C5: variants seen among roughly 807,000 people sequenced by gnomAD.
The protein encoded by C5 is C3 and PZP-like alpha-2-macroglobulin domain-containing protein 4.
Under a neutral mutation model 218.8 loss-of-function variants are expected in C5, and 140 were observed. The observed-to-expected ratio is 0.64, with a 90% confidence interval of 0.56 to 0.74. The LOEUF (loss-of-function observed/expected upper bound fraction) is 0.74, where lower values mean the gene tolerates loss of function less well. C5 is among the 30% of genes least tolerant of loss of function. C5 has a pLI of 0.00. For missense variants in C5, 1,700 were observed against 1,969.6 expected, an observed-to-expected ratio of 0.86 and a Z score of 2.59; for synonymous variants, 614 against 682.3, an observed-to-expected ratio of 0.90 and a Z score of 1.56.
intron 33 of C5, among the ~76,000 whole-genome samples, chr9:120,967,486 C>T (rs2046877393): frequency 6.6e-6 from 1 of 152,136 alleles, no homozygotes; most frequent in Admixed American, 6.5e-5. Context: ...AAGTTATCCA[C>T]ACTGGGTGCA....
chr9:121,031,429 T>A (rs1016893726), intron 6 of C5, among the ~76,000 whole-genome samples: 1 of 152,200 alleles, frequency 6.6e-6, no homozygotes, highest in Non-Finnish European at 1.5e-5. Context: ...GTAAATCATT[T>A]ATTGGTTTTA....
intron 39 of C5, among the ~76,000 whole-genome samples, chr9:120,954,158 A>T (rs1259046242): frequency 6.6e-6 from 1 of 152,246 alleles, no homozygotes; most frequent in Admixed American, 6.5e-5. Flanking sequence ...ACCTTGTAGA[A>T]CCATCGTGAG....
upstream of C5, among the ~76,000 whole-genome samples, chr9:121,054,327 T>C (rs193206202): frequency 1.9e-3 from 288 of 152,280 alleles, no homozygotes; most frequent in Non-Finnish European, 1.4e-3. Context: ...AGTCCGGGCG[T>C]GGTGGCTCAC....
At chr9:121,074,696 T>G in the C5 span, 4 of 419,846 alleles carry the variant, frequency 9.5e-6, no homozygotes, top group African/African-American at 4.1e-5. Flanking sequence ...GCCACAGCAC[T>G]GCGGGCAGCT....
the C5 span, among the ~76,000 whole-genome samples, chr9:121,059,786 C>T: frequency 6.6e-6 from 1 of 152,244 alleles, no homozygotes; most frequent in Non-Finnish European, 1.5e-5. This position sits in a 1 kb window ranked among gnomAD's most constrained non-coding sequence, Gnocchi z 4.1. Flanking sequence ...GTAGTGAGCA[C>T]ACTCAGGAAG....
chr9:120,960,973 T>C (rs1310392584), intron 37 of C5, among the ~76,000 whole-genome samples: 1 of 152,208 alleles, frequency 6.6e-6, no homozygotes, highest in Non-Finnish European at 1.5e-5. Context: ...TGTGTAGATA[T>C]TGAGGATTTT....
rs1386196173 is a variant in C5, at chr9:120,984,745, G to A, written c.3231-1931C>T. 5.4e-5 allele frequency among the ~76,000 whole-genome samples: 6 copies of A among 110,764 alleles called. No individual in the cohort carries two copies. In the Admixed American group the frequency reaches 7.3e-4, roughly 13 times the overall value. 72.7% of individuals were successfully genotyped at this position (110,764 alleles called of 152,430 possible). ...TTTTTTTTTTTTTTTTTTTTCAGACGGACTCTCTCTCTGTTGCCCAGGCTG... is the reference window on the plus strand; with the variant it reads ...TTTTTTTTTTTTTTTTTTTTCAGACAGACTCTCTCTCTGTTGCCCAGGCTG... On this transcript the variant is annotated intron_variant, in intron 25 of 40. Transcript: ENST00000223642.
chr9:120,966,813 T>C (rs986109682), intron 33 of C5, among the ~76,000 whole-genome samples: 2 of 152,008 alleles, frequency 1.3e-5, no homozygotes, highest in African/African-American at 4.8e-5. Context: ...GAAGAAATGC[T>C]GATGAGGAAG....
At chr9:121,046,011 A>G (rs1359113701) in intron 2 of C5, among the ~76,000 whole-genome samples, 180 bp downstream of exon 2, 1 of 152,118 alleles carries the variant, frequency 6.6e-6, no homozygotes, top group Non-Finnish European at 1.5e-5. Flanking sequence ...TTCTGTTTAG[A>G]ATTTTCTGTT....
rs565249840 is a variant in C5 at position 121,025,064 on chromosome 9, G to T, written c.1000+390C>A. 1.4e-4 allele frequency among the ~76,000 whole-genome samples: 21 copies of T among 152,232 alleles called. No homozygotes were observed. The East Asian group carries it at 3.9e-3, about 28-fold the overall frequency. On this transcript the variant is annotated intron_variant, in intron 9 of 40. Coordinates refer to ENST00000223642, the MANE Select transcript of C5 (RefSeq NM_001735.3). The stretch of plus-strand genomic sequence containing the variant: ...ATGATAATAGTAATAACTTTTATTT[G>T]TATAGTACTTTATCAAATAGTTTTA...
intron 22 of C5, among the ~76,000 whole-genome samples, chr9:120,994,498 G>A (rs1454670178): frequency 1.3e-5 from 2 of 151,934 alleles, no homozygotes; most frequent in Non-Finnish European, 2.9e-5. Flanking sequence ...CAGGAGAATC[G>A]CTTGAAATCA....
Position 121,030,044 on chromosome 9 carries a change from G to A in C5, c.758+353C>T, listed in dbSNP as rs978662364. 1.4e-4 allele frequency among the ~76,000 whole-genome samples: 21 copies of A among 152,084 alleles called. 1 individual carries two copies. Among genetic ancestry groups the A allele is most frequent in the African/African-American group, 3.6e-4 (15 of 41,410 alleles). On this transcript the variant is annotated intron_variant, in intron 7 of 40. Transcript: ENST00000223642. ...AGGCACTGGGTTTTGAAGTAGTTAC[G>A]CAGCATTAGCTGGCTGATTAAATCA...
At chr9:121,036,488 T>G (rs2047525787) in intron 4 of C5, among the ~76,000 whole-genome samples, 1 of 152,212 alleles carries the variant, frequency 6.6e-6, no homozygotes, top group African/African-American at 2.4e-5. Flanking sequence ...CATTCCCTGA[T>G]AGAAAAAGGG....
rs562532456 is a variant in C5 at position 121,012,985 on chromosome 9, T to A, written c.2257+888A>T. ...TGTCATTACGCAGCACACATAAGTATAAAACAGAAGCTGTCATTTTGCTTT... is the reference window on the plus strand; with the variant it reads ...TGTCATTACGCAGCACACATAAGTAAAAAACAGAAGCTGTCATTTTGCTTT... On this transcript the variant is annotated intron_variant, in intron 17 of 40. Coordinates refer to ENST00000223642, the MANE Select transcript of C5 (RefSeq NM_001735.3). Among the ~76,000 whole-genome samples the A allele has an allele frequency of 2.0e-3, 298 of 152,318 alleles. 2 individuals carry two copies. The highest frequency in any genetic ancestry group is 6.8e-3 in the African/African-American group (283 of 41,570).
At chr9:120,968,484 A>G (rs979362710) in intron 33 of C5, among the ~76,000 whole-genome samples, 10 of 152,264 alleles carry the variant, frequency 6.6e-5, no homozygotes, top group African/African-American at 2.4e-4. Context: ...GGTTTAAACC[A>G]TTACATTTGC....
In C5 at chr9:120,980,225, G is replaced by C. The variant is rs1388998694; in HGVS notation, c.3516C>G (p.Asp1172Glu). ...GCAGTGTATTTTCAAGCAGAAAGTT[G>C]TCAGCTTTAATTAGAGCTGTGTCGA... is the stretch of plus-strand genomic sequence containing the variant. ...VKIDTALIKA[D>E]NFLLENTLPA... is the part of the protein sequence containing the mutation. Residue 1172 changes from aspartate (D) to glutamate (E), a missense_variant, in exon 28 of 41, where the codon GAC (aspartate) becomes GAG (glutamate). Physicochemically the swap from Asp to Glu is conservative, Grantham distance 45 (BLOSUM62 2). Transcript: ENST00000223642. 6.2e-7 allele frequency: 1 copy of C among 1,613,986 alleles called. No individual in the cohort carries two copies. The highest frequency in any genetic ancestry group is 1.1e-5 in the South Asian group (1 of 91,080).
In C5 at chr9:120,991,208, CT is replaced by C; in HGVS notation, c.2923del (p.Arg975GlyfsTer3). Reference protein sequence around the residue: ...LDLVPKTEIKRILSVKGLLVG... With the variant: ...LDLVPKTEIKXILSVKGLLVG... ...TAATTTACCTTTTACACTCAAAATC[CT>C]TTTGATTTCTGTTTTGGGGACCAAA... is the stretch of plus-strand genomic sequence containing the variant. On this transcript the variant is annotated frameshift_variant, in exon 23 of 41. Coordinates refer to ENST00000223642, the MANE Select transcript of C5 (RefSeq NM_001735.3). LOFTEE classifies it high-confidence loss of function. The C allele has an allele frequency of 6.2e-7, 1 of 1,600,990 alleles. No homozygotes were observed. The highest frequency in any genetic ancestry group is 8.6e-7 in the Non-Finnish European group (1 of 1,168,110).
intron 20 of C5, among the ~76,000 whole-genome samples, chr9:121,001,669 A>T (rs1228755298): frequency 6.6e-5 from 10 of 152,192 alleles, no homozygotes; most frequent in Non-Finnish European, 2.9e-5. Flanking sequence ...ATTTCTGTAT[A>T]AGTGTTCATT....
At position 121,025,585 on chromosome 9, in the gene C5, T is replaced by G; in HGVS notation, c.874-5A>C. On this transcript the variant is annotated splice_polypyrimidine_tract_variant and splice_region_variant and intron_variant, in intron 8 of 40. Transcript: ENST00000223642. ...TTGAGCAATTCCATTTATCAACTTT[T>G]TAAAAGGAGAAAAAGGAGGAGTTAT... The G allele has an allele frequency of 6.2e-7, 1 of 1,611,442 alleles. No individual in the cohort carries two copies. Among genetic ancestry groups the G allele is most frequent in the Non-Finnish European group, 8.5e-7 (1 of 1,179,328 alleles).
Sources: gnomAD v4.1 joint callset for allele counts (sites outside exome capture counted in the v4.1 genomes callset) on GRCh38, gnomAD v4.1.1 for gene constraint, Gnocchi (gnomAD v3.1) non-coding constraint, MANE v1.5 for transcripts, NCBI Gene and HGNC (gene_info 2026-07-23, HGNC 2026-07-21) for gene names.